Variants in ZBTB38 observed in about 807,000 individuals in gnomAD.
ZBTB38 encodes zinc finger and BTB domain containing 38, also known as zinc finger and BTB domain-containing protein 38.
Under a neutral mutation model 76.8 loss-of-function variants are expected in ZBTB38, and 20 were observed. That is an observed-to-expected ratio of 0.26 (90% CI 0.18 to 0.38). The LOEUF (loss-of-function observed/expected upper bound fraction) is 0.38. Among genes scored for constraint, ZBTB38 ranks in the 10% least tolerant of loss-of-function variants. The probability of loss-of-function intolerance (pLI) is 1.00; values close to 1 mark genes in which losing one functional copy is unlikely to be tolerated. For missense variants in ZBTB38, 1,082 were observed against 1,482.3 expected (o/e 0.73, Z 4.43); for synonymous variants, 504 against 544.2 (o/e 0.93, Z 1.03).
rs752742012 is a variant in ZBTB38 at position 141,340,927 on chromosome 3, A to AAAAAG, written c.-739+16485_-739+16489dup. ...AAGAAAAGAAAAGAAAAGGAAAGGA[A>AAAAAG]AAAAGAAAAGAAAAGAAAGAAGGAA... On this transcript the variant is annotated intron_variant, in intron 1 of 7. Transcript: ENST00000509842. Among the ~76,000 whole-genome samples the AAAAAG allele has an allele frequency of 2.9e-4, 30 of 102,116 alleles. 2 individuals are homozygous for AAAAAG. Among genetic ancestry groups the AAAAAG allele is most frequent in the African/African-American group, 1.6e-3 (25 of 15,448 alleles). The allele number at this position is 102,116 out of a possible 152,430, so 67.0% of individuals were successfully genotyped here.
intron 5 of ZBTB38, among the ~76,000 whole-genome samples, chr3:141,430,677 T>C (rs997050754): frequency 7.2e-5 from 11 of 151,998 alleles, no homozygotes; most frequent in Admixed American, 6.6e-5. Flanking sequence ...GGCAGTGCAG[T>C]GGGGGAGGCG....
rs750329411 is a variant in ZBTB38, at chr3:141,443,238, C to A, written c.850C>A (p.Pro284Thr). The change falls in exon 6 of 6, where the codon CCC (proline) becomes ACC (threonine). Residue 284 changes from proline (P) to threonine (T), a missense_variant. Coordinates refer to ENST00000321464, the MANE Select transcript of ZBTB38 (RefSeq NM_001376113.1). This position sits in a 1 kb window ranked among gnomAD's most constrained non-coding sequence, Gnocchi z 5.6. ...DSDSATENIP[P>T]PPVSNLEVNQ... ...GGATTCAGCCACAGAAAATATACCA[C>A]CCCCTCCAGTATCCAACTTAGAGGT... 1 of 1,614,220 alleles carries A rather than the reference C, an allele frequency of 6.2e-7. No individual in the cohort carries two copies. Among genetic ancestry groups the A allele is most frequent in the East Asian group, 2.2e-5 (1 of 44,890 alleles).
At chr3:141,331,442 T>G (rs925378453) in intron 1 of ZBTB38, among the ~76,000 whole-genome samples, 4 of 152,254 alleles carry the variant, frequency 2.6e-5, no homozygotes, top group African/African-American at 7.2e-5. Context: ...TGTCTTACAC[T>G]GTCGTCCCCA....
At chr3:141,386,618 T>C (rs939476336) in intron 3 of ZBTB38, 1 of 152,428 alleles carries the variant, frequency 6.6e-6, no homozygotes, top group African/African-American at 2.4e-5. Context: ...CCGGACCAGA[T>C]ACATACTGTA....
In ZBTB38 at chr3:141,413,627, C is replaced by T. The variant is rs1486122206; in HGVS notation, c.-1+9596C>T. 1.3e-5 allele frequency among the ~76,000 whole-genome samples: 2 copies of T among 152,096 alleles called. No homozygotes were observed. The highest frequency in any genetic ancestry group is 4.8e-5 in the African/African-American group (2 of 41,408). ...TGATGTCAGCTCAGGATACCGGAAC[C>T]GATAAAAACTCAGTGAGTGTTGCTT... On this transcript the variant is annotated intron_variant, in intron 5 of 5. Transcript: ENST00000321464. This position sits in a 1 kb window ranked among gnomAD's most constrained non-coding sequence, Gnocchi z 4.1.
intron 1 of ZBTB38, among the ~76,000 whole-genome samples, chr3:141,351,905 T>C (rs1943528098): frequency 1.3e-5 from 2 of 152,064 alleles, no homozygotes; most frequent in Non-Finnish European, 2.9e-5. Context: ...AAGATACCAT[T>C]TGAACCTCAG....
chr3:141,334,794 T>C (rs1410099989), intron 1 of ZBTB38, among the ~76,000 whole-genome samples: 1 of 152,190 alleles, frequency 6.6e-6, no homozygotes, highest in African/African-American at 2.4e-5. Context: ...CTGTGCCCAG[T>C]TCCTCTACCT....
In ZBTB38 at chr3:141,446,083, TAAAA is replaced by T. The variant is rs200973051; in HGVS notation, c.*118_*121del. 12 of 701,568 alleles carry T rather than the reference TAAAA, an allele frequency of 1.7e-5. No individual in the cohort carries two copies. Among genetic ancestry groups the T allele is most frequent in the Non-Finnish European group, 2.4e-5 (12 of 499,720 alleles). 43.5% of individuals were successfully genotyped at this position (701,568 alleles called of 1,614,324 possible). A position where few individuals can be genotyped will look rare whatever the true frequency, so the allele number is the denominator to read the frequency against. ...TGTGACAGTCATGAAGGAGTGAAATTAAAAAAAAAAAAAACTCATTTGTGAAAAT... is the reference window on the plus strand; with the variant it reads ...TGTGACAGTCATGAAGGAGTGAAATTAAAAAAAAAACTCATTTGTGAAAAT... On this transcript the variant is annotated 3_prime_UTR_variant, in exon 6 of 6. Transcript: ENST00000321464.
chr3:141,432,150 A>C, intron 5 of ZBTB38: 3 of 985,500 alleles, frequency 3.0e-6, no homozygotes, highest in Non-Finnish European at 3.6e-6. Context: ...AACTTTCCGC[A>C]GGGAATAACA....
At chr3:141,433,743 C>T (rs1352023727) in intron 5 of ZBTB38, among the ~76,000 whole-genome samples, 1 of 152,188 alleles carries the variant, frequency 6.6e-6, no homozygotes, top group East Asian at 1.9e-4. Flanking sequence ...CTGCCTTCAG[C>T]CGTGGTATGC....
intron 3 of ZBTB38, among the ~76,000 whole-genome samples, chr3:141,386,244 G>C (rs1947083002): frequency 6.6e-6 from 1 of 152,188 alleles, no homozygotes; most frequent in African/African-American, 2.4e-5. Context: ...AATCGTTCAT[G>C]ATGGTCAGCT....
chr3:141,343,552 T>C (rs1270653736), intron 1 of ZBTB38, among the ~76,000 whole-genome samples: 3 of 152,146 alleles, frequency 2.0e-5, no homozygotes, highest in Non-Finnish European at 4.4e-5. Context: ...ACAGCATATA[T>C]AGTCTTCCCA....
intron 5 of ZBTB38, among the ~76,000 whole-genome samples, chr3:141,424,055 T>G (rs2150258346): frequency 6.6e-6 from 1 of 152,350 alleles, no homozygotes; most frequent in Non-Finnish European, 1.5e-5. Flanking sequence ...AGCTTTGTTT[T>G]TATTCATCAA....
intron 1 of ZBTB38, among the ~76,000 whole-genome samples, chr3:141,330,949 A>G (rs1983234): frequency 0.062 from 9,464 of 152,306 alleles, 392 homozygotes; most frequent in Non-Finnish European, 0.095. Context: ...TAAAGGAAAT[A>G]CATTTCTTTC....
At chr3:141,374,198 A>G (rs1945028281) in intron 2 of ZBTB38, among the ~76,000 whole-genome samples, 1 of 150,810 alleles carries the variant, frequency 6.6e-6, no homozygotes, top group African/African-American at 2.5e-5. Flanking sequence ...TATTGTTATT[A>G]TCATTATTTT....
intron 1 of ZBTB38, among the ~76,000 whole-genome samples, chr3:141,357,633 G>T (rs1260091880): frequency 6.6e-6 from 1 of 152,044 alleles, no homozygotes; most frequent in Non-Finnish European, 1.5e-5. Flanking sequence ...GGGTTCAAGC[G>T]ATTCTCCTGC....
At chr3:141,380,919 T>G (rs1019183145) in intron 2 of ZBTB38, among the ~76,000 whole-genome samples, 2 of 152,230 alleles carry the variant, frequency 1.3e-5, no homozygotes, top group Non-Finnish European at 2.9e-5. Context: ...AAGATTATGC[T>G]CTCACATGAG....
chr3:141,332,723 G>A (rs139874828), intron 1 of ZBTB38, among the ~76,000 whole-genome samples: 1,558 of 152,308 alleles, frequency 0.01, 9 homozygotes, highest in Non-Finnish European at 0.015. Context: ...GAGGGATGCC[G>A]AAAGAAGAAA....
At chr3:141,382,538 A>G (rs903301147) in intron 3 of ZBTB38, among the ~76,000 whole-genome samples, 1 of 152,204 alleles carries the variant, frequency 6.6e-6, no homozygotes, top group African/African-American at 2.4e-5. Flanking sequence ...GTGGAAATGT[A>G]TTTATTAAAA....
Sources: gnomAD v4.1 joint callset for allele counts (sites outside exome capture counted in the v4.1 genomes callset) on GRCh38, gnomAD v4.1.1 for gene constraint, Gnocchi (gnomAD v3.1) non-coding constraint, MANE v1.5 for transcripts, NCBI Gene and HGNC (gene_info 2026-07-23, HGNC 2026-07-21) for gene names.